Variants in CLCN3 observed in about 807,000 individuals in gnomAD.
The protein encoded by CLCN3 is Cl-/H+ antiporter 3.
CLCN3 carries 16 observed loss-of-function variants against 83.4 expected under a neutral mutation model. That is an observed-to-expected ratio of 0.19 (90% CI 0.13 to 0.29). CLCN3 has a LOEUF of 0.29. Among genes scored for constraint, CLCN3 ranks in the 10% least tolerant of loss-of-function variants. The pLI is 1.00. For synonymous variants in CLCN3, 322 were observed against 346.2 expected, an observed-to-expected ratio of 0.93 and a Z score of 0.78; for missense variants, 544 against 1,006.0, an observed-to-expected ratio of 0.54 and a Z score of 6.21.
At chr4:169,634,376 T>C (rs550936587) in intron 1 of CLCN3, among the ~76,000 whole-genome samples, 2 of 152,348 alleles carry the variant, frequency 1.3e-5, no homozygotes, top group South Asian at 4.1e-4. Flanking sequence ...CATGCTTTGA[T>C]ACATCAAAAT....
At chr4:169,673,236 T>C (rs1731547348) in intron 2 of CLCN3, among the ~76,000 whole-genome samples, 1 of 152,230 alleles carries the variant, frequency 6.6e-6, no homozygotes, top group Non-Finnish European at 1.5e-5. Flanking sequence ...AATGTTTGAA[T>C]GTTTGAAAAT....
rs1290243344 is a variant in CLCN3, at chr4:169,687,654, T to C, written c.319-4T>C. 6.3e-7 allele frequency: 1 copy of C among 1,596,942 alleles called. No individual in the cohort carries two copies. The highest frequency in any genetic ancestry group is 8.6e-7 in the Non-Finnish European group (1 of 1,168,400). On this transcript the variant is annotated splice_region_variant and splice_polypyrimidine_tract_variant and intron_variant, in intron 3 of 12. Coordinates refer to ENST00000513761, the MANE Select transcript of CLCN3 (RefSeq NM_001829.4). ...AAATGAAGCATAAACATTTCTAATT[T>C]CAGATCAACAGCAAAAAGAAAGAAT...
intron 7 of CLCN3, among the ~76,000 whole-genome samples, chr4:169,695,300 A>G (rs1238633954): frequency 6.6e-6 from 1 of 152,182 alleles, no homozygotes. Flanking sequence ...CCTCTTACCT[A>G]CACAAACATA....
intron 2 of CLCN3, chr4:169,663,539 T>TA (rs1468848595): frequency 6.2e-5 from 20 of 320,898 alleles, no homozygotes; most frequent in Non-Finnish European, 9.8e-5. Context: ...AGAGTCTCAC[T>TA]ATGTTGTCCA....
At chr4:169,669,202 G>T (rs952014184) in intron 2 of CLCN3, among the ~76,000 whole-genome samples, 1 of 152,210 alleles carries the variant, frequency 6.6e-6, no homozygotes, top group Admixed American at 6.5e-5. Flanking sequence ...TGGTAGTGGG[G>T]TTGGAGAAAA....
intron 8 of CLCN3, 24 bp downstream of exon 8, chr4:169,695,716 TA>T: frequency 7.0e-7 from 1 of 1,423,690 alleles, no homozygotes. Flanking sequence ...ATACAACAAT[TA>T]AAATTATATA....
In CLCN3 at chr4:169,704,188, A is replaced by G. The variant is rs781205886; in HGVS notation, c.1750+4A>G. On this transcript the variant is annotated splice_donor_region_variant and intron_variant, in intron 10 of 12. Coordinates refer to ENST00000513761, the MANE Select transcript of CLCN3 (RefSeq NM_001829.4). ...GTTGGTGCTGCTGCATGCTTAGGTA[A>G]TATGGCTGTGTCTGCCTGTGTGTGG... The G allele has an allele frequency of 1.2e-6, 2 of 1,608,660 alleles. No homozygotes were observed. Among genetic ancestry groups the G allele is most frequent in the Non-Finnish European group, 1.7e-6 (2 of 1,176,576 alleles).
At chr4:169,633,566 C>CTT (rs1773432865) in intron 1 of CLCN3, among the ~76,000 whole-genome samples, 1 of 152,084 alleles carries the variant, frequency 6.6e-6, no homozygotes, top group Non-Finnish European at 1.5e-5. Flanking sequence ...GTTATATGTC[C>CTT]TTTATGCTAC....
In CLCN3 at chr4:169,659,939, T is replaced by C. The variant is rs116106535; in HGVS notation, c.161-20111T>C. ...ATTCAAAATTTCCTTTTTACATCTC[T>C]GTATTACTTTTTCCCCTTTATATTT... is the stretch of plus-strand genomic sequence containing the variant. On this transcript the variant is annotated intron_variant, in intron 2 of 12. Coordinates refer to ENST00000513761, the MANE Select transcript of CLCN3 (RefSeq NM_001829.4). The C allele has an allele frequency of 3.2e-4, 182 of 564,692 alleles. 1 individual carries two copies. In the African/African-American group the frequency reaches 3.5e-3, roughly 11 times the overall value. The allele number at this position is 564,692 out of a possible 1,614,324, so 35.0% of individuals were successfully genotyped here. A position where few individuals can be genotyped will look rare whatever the true frequency, so the allele number is the denominator to read the frequency against.
Position 169,707,255 on chromosome 4 carries a change from C to A in CLCN3, c.2138C>A (p.Thr713Lys). Residue 713 changes from threonine to lysine, a missense_variant, in exon 11 of 13, where the codon ACA becomes AAA. Physicochemically the swap from Thr to Lys is moderately conservative, Grantham distance 78. Coordinates refer to ENST00000513761, the MANE Select transcript of CLCN3 (RefSeq NM_001829.4). ...LVGFALRRDLTIAIESARKKQ... is the reference protein window; with the variant it reads ...LVGFALRRDLKIAIESARKKQ... ...GGATTTGCCCTCAGAAGAGACCTGA[C>A]AATTGCAATAGGTACCCTTTCAAAA... 1 of 1,600,432 alleles carries A rather than the reference C, an allele frequency of 6.2e-7. No individual in the cohort carries two copies. Among genetic ancestry groups the A allele is most frequent in the Non-Finnish European group, 8.5e-7 (1 of 1,174,164 alleles).
chr4:169,718,885 T>C (rs757727912), intron 12 of CLCN3, among the ~76,000 whole-genome samples: 1 of 152,248 alleles, frequency 6.6e-6, no homozygotes, highest in African/African-American at 2.4e-5. Flanking sequence ...GACTGCCTTC[T>C]GATTTTTCAC....
At chr4:169,709,410 G>C (rs192571465) in intron 11 of CLCN3, among the ~76,000 whole-genome samples, 1 of 151,828 alleles carries the variant, frequency 6.6e-6, no homozygotes, top group Non-Finnish European at 1.5e-5. Flanking sequence ...GAGGCTGGGC[G>C]TGGTGGCTCA....
intron 11 of CLCN3, among the ~76,000 whole-genome samples, chr4:169,712,615 G>A (rs1207596510): frequency 1.3e-5 from 2 of 152,150 alleles, no homozygotes; most frequent in East Asian, 3.8e-4. Context: ...AGGGATGGAG[G>A]ACACAGCATA....
chr4:169,625,356 T>C (rs1461965800), intron 1 of CLCN3, among the ~76,000 whole-genome samples: 1 of 152,196 alleles, frequency 6.6e-6, no homozygotes, highest in African/African-American at 2.4e-5. Flanking sequence ...CTGTACCCAG[T>C]CAGTCTCCTT....
Position 169,620,622 on chromosome 4 carries a change from CA to C in CLCN3, c.-457del, listed in dbSNP as rs1328529303. 1.5e-5 allele frequency: 6 copies of C among 397,354 alleles called. No homozygotes were observed. Among genetic ancestry groups the C allele is most frequent in the Non-Finnish European group, 2.2e-5 (5 of 225,924 alleles). The allele number at this position is 397,354 out of a possible 1,614,324, so 24.6% of individuals were successfully genotyped here. On this transcript the variant is annotated 5_prime_UTR_variant, in exon 1 of 13. Coordinates refer to ENST00000513761, the MANE Select transcript of CLCN3 (RefSeq NM_001829.4). ...CAGGGCCGGTCCGGTCCGGAACCTG[CA>C]GCCCCTTTCCCAGTGTTCTAGTTCG...
chr4:169,659,761 TGAG>T (rs1396472960), intron 2 of CLCN3, among the ~76,000 whole-genome samples: 2 of 152,130 alleles, frequency 1.3e-5, no homozygotes, highest in African/African-American at 4.8e-5. Context: ...CCAAGTTTCT[TGAG>T]AAACCTTTGG....
chr4:169,631,000 G>GT (rs1773355074), intron 1 of CLCN3, among the ~76,000 whole-genome samples: 2 of 152,030 alleles, frequency 1.3e-5, no homozygotes, highest in Non-Finnish European at 2.9e-5. Context: ...GGGTCAAATG[G>GT]TATTTCTGTT....
intron 10 of CLCN3, 47 bp downstream of exon 10, chr4:169,704,231 A>C: frequency 6.4e-7 from 1 of 1,551,908 alleles, no homozygotes; most frequent in Non-Finnish European, 8.8e-7. Flanking sequence ...CAAGTCTGAG[A>C]GAGCCAAGAG....
chr4:169,719,976 C>G lies in CLCN3; in HGVS notation c.2436C>G (p.Pro812=). 1 of 1,613,876 alleles carries G rather than the reference C, an allele frequency of 6.2e-7. No individual in the cohort carries two copies. The change falls in exon 13 of 13, where the codon CCC becomes CCG. Residue 812 remains proline (P), a synonymous_variant. Transcript: ENST00000513761. ...RHMAQTANQD[P]ASIMFN ...TGGCCCAGACGGCAAACCAAGACCC[C>G]GCTTCAATAATGTTCAACTGAATCT...
Sources: allele counts gnomAD v4.1 joint callset (sites outside exome capture counted in the v4.1 genomes callset), GRCh38; gene constraint gnomAD v4.1.1; transcripts MANE v1.5; gene names NCBI Gene and HGNC (gene_info 2026-07-23, HGNC 2026-07-21).